SIK2: variants seen among roughly 807,000 people sequenced by gnomAD.
The protein encoded by SIK2 is serine/threonine-protein kinase SIK2.
A neutral mutation model predicts 103.2 loss-of-function variants in SIK2; 29 were observed. The ratio of observed to expected loss-of-function variants is 0.28; its 90% CI spans 0.21 to 0.38. The LOEUF is 0.38. Ranked by LOEUF, SIK2 falls within the 10% of genes least tolerant of loss-of-function variation. The pLI, the probability that SIK2 is intolerant of heterozygous loss-of-function variation, is 1.00. For synonymous variants in SIK2, 412 were observed against 446.1 expected, an observed-to-expected ratio of 0.92 and a Z score of 0.96; for missense variants, 879 against 1,171.0, an observed-to-expected ratio of 0.75 and a Z score of 3.64.
rs1483377455 is a variant in SIK2 at position 111,688,919 on chromosome 11, G to A, written c.478+757G>A. 6.6e-6 allele frequency among the ~76,000 whole-genome samples: 1 copy of A among 152,144 alleles called. No individual in the cohort carries two copies. Among genetic ancestry groups the A allele is most frequent in the Non-Finnish European group, 1.5e-5 (1 of 68,020 alleles). On this transcript the variant is annotated intron_variant, in intron 4 of 14. Transcript: ENST00000304987. This position sits in a 1 kb window ranked among gnomAD's most constrained non-coding sequence, Gnocchi z 4.2. ...ATTTTAATAAAACTGAAAAAATACA[G>A]TATGATAGTTGCAATTTTAAAAGTA...
At chr11:111,610,904 T>C (rs1366661032) in intron 1 of SIK2, among the ~76,000 whole-genome samples, 2 of 152,228 alleles carry the variant, frequency 1.3e-5, no homozygotes, top group African/African-American at 2.4e-5. Flanking sequence ...TCATACCTTA[T>C]GCTGAGACTG....
chr11:111,708,243 A>G (rs1943404189), intron 8 of SIK2, among the ~76,000 whole-genome samples: 1 of 152,082 alleles, frequency 6.6e-6, no homozygotes, highest in African/African-American at 2.4e-5. Context: ...TTAGCCGGTT[A>G]TGGTAGTGCG....
rs1943996102 is a variant in SIK2, at chr11:111,727,104, T to C, written c.*2975T>C. 1.9e-6 allele frequency: 3 copies of C among 1,541,112 alleles called. No homozygotes were observed. On this transcript the variant is annotated 3_prime_UTR_variant, in exon 15 of 15. Coordinates refer to ENST00000304987, the MANE Select transcript of SIK2 (RefSeq NM_015191.3). Reference sequence around the variant, plus strand: ...AGCCCGACAGGAAGAGGGGGCCCACTTTCACATTCCCGGTGACACTGACCG... The same window carrying C: ...AGCCCGACAGGAAGAGGGGGCCCACCTTCACATTCCCGGTGACACTGACCG...
chr11:111,633,477 CAGG>C (rs1304564410), intron 3 of SIK2, among the ~76,000 whole-genome samples: 1 of 152,132 alleles, frequency 6.6e-6, no homozygotes, highest in African/African-American at 2.4e-5. Flanking sequence ...GTGAAGCCAA[CAGG>C]AGAACACTGC....
intron 1 of SIK2, among the ~76,000 whole-genome samples, chr11:111,615,756 T>G (rs1040348544): frequency 6.6e-6 from 1 of 152,164 alleles, no homozygotes; most frequent in African/African-American, 2.4e-5. Context: ...ATGTAATGAG[T>G]TTTAATATTT....
At chr11:111,610,578 C>T (rs1392211047) in intron 1 of SIK2, among the ~76,000 whole-genome samples, 1 of 99,352 alleles carries the variant, frequency 1.0e-5, no homozygotes, top group Admixed American at 1.2e-4. Context: ...TCTGCTCTTA[C>T]ATTTAATTCT....
At chr11:111,700,607 T>G (rs1161006805) in intron 4 of SIK2, among the ~76,000 whole-genome samples, 2 of 152,212 alleles carry the variant, frequency 1.3e-5, no homozygotes, top group Non-Finnish European at 1.5e-5. Context: ...AAGGCTGATT[T>G]TCTTTCACAT....
chr11:111,685,697 A>G (rs1414523769), intron 3 of SIK2, among the ~76,000 whole-genome samples: 1 of 152,120 alleles, frequency 6.6e-6, no homozygotes, highest in African/African-American at 2.4e-5. Flanking sequence ...TAAAATATTA[A>G]TAATTAGCCA....
intron 3 of SIK2, among the ~76,000 whole-genome samples, chr11:111,626,847 C>T (rs1239781515): frequency 6.6e-6 from 1 of 152,076 alleles, no homozygotes; most frequent in African/African-American, 2.4e-5. Flanking sequence ...CTCTTAATTA[C>T]TCTTTATAAG....
intron 3 of SIK2, among the ~76,000 whole-genome samples, chr11:111,643,273 T>A (rs941811763): frequency 6.6e-6 from 1 of 151,978 alleles, no homozygotes; most frequent in Non-Finnish European, 1.5e-5. Flanking sequence ...TATTATATTT[T>A]AGGGAAGGGA....
At chr11:111,660,831 G>A (rs1392700545) in intron 3 of SIK2, among the ~76,000 whole-genome samples, 1 of 138,550 alleles carries the variant, frequency 7.2e-6, no homozygotes, top group African/African-American at 2.6e-5. Context: ...TCCAAGCTGT[G>A]AAGTTGGCTT....
At chr11:111,694,579 A>T (rs1412170103) in intron 4 of SIK2, among the ~76,000 whole-genome samples, 1 of 152,192 alleles carries the variant, frequency 6.6e-6, no homozygotes, top group Non-Finnish European at 1.5e-5. Context: ...AGGCAAAGAT[A>T]GGAAAAATAT....
chr11:111,685,102 G>A (rs922588435), intron 3 of SIK2, among the ~76,000 whole-genome samples: 1 of 152,250 alleles, frequency 6.6e-6, no homozygotes, highest in Non-Finnish European at 1.5e-5. Context: ...ATGTGTTAGA[G>A]CCGCAGTCCC....
At position 111,725,071 on chromosome 11, in the gene SIK2, A is replaced by G. The variant is rs1339796849; in HGVS notation, c.*942A>G. 6.6e-6 allele frequency: 1 copy of G among 152,648 alleles called. No individual in the cohort carries two copies. The highest frequency in any genetic ancestry group is 2.4e-5 in the African/African-American group (1 of 41,458). 9.5% of individuals were successfully genotyped at this position (152,648 alleles called of 1,614,324 possible). ...TTACACTATATGTTGCTAGTAGTTT[A>G]TTGAGCTTTGTATATTTGGACAGTT... On this transcript the variant is annotated 3_prime_UTR_variant, in exon 15 of 15. Coordinates refer to ENST00000304987, the MANE Select transcript of SIK2 (RefSeq NM_015191.3).
At chr11:111,642,088 C>T (rs1565326254) in intron 3 of SIK2, among the ~76,000 whole-genome samples, 1 of 152,174 alleles carries the variant, frequency 6.6e-6, no homozygotes, top group African/African-American at 2.4e-5. Context: ...TTTGCCATCA[C>T]CCTTCTGAAC....
Position 111,701,058 on chromosome 11 carries a change from A to G in SIK2, c.603+48A>G. 6.3e-7 allele frequency: 1 copy of G among 1,584,954 alleles called. No homozygotes were observed. The highest frequency in any genetic ancestry group is 8.6e-7 in the Non-Finnish European group (1 of 1,161,782). ...TGTTAAATGCATCTATACTGATAAT[A>G]CTTGGTGTTCTGGCCCATCTTAGAA... On this transcript the variant is annotated intron_variant, in intron 5 of 14. Transcript: ENST00000304987. The surrounding 1 kb of genome is among the most constrained non-coding windows in gnomAD (Gnocchi z 4.2).
chr11:111,672,925 A>G (rs1470374000), intron 3 of SIK2, among the ~76,000 whole-genome samples: 1 of 152,222 alleles, frequency 6.6e-6, no homozygotes, highest in Non-Finnish European at 1.5e-5. Flanking sequence ...TTTGAGTACT[A>G]TATTTTAAAC....
intron 3 of SIK2, among the ~76,000 whole-genome samples, chr11:111,677,266 A>G (rs1942714605): frequency 6.6e-6 from 1 of 152,228 alleles, no homozygotes; most frequent in African/African-American, 2.4e-5. Context: ...TACTACATAT[A>G]TTGAAATCAG....
chr11:111,721,235 A>G (rs967235919), intron 12 of SIK2, among the ~76,000 whole-genome samples, 173 bp downstream of exon 12: 1 of 152,108 alleles, frequency 6.6e-6, no homozygotes, highest in African/African-American at 2.4e-5. Flanking sequence ...GACGGGTTCA[A>G]CCCATCCACG....
Sources: allele counts gnomAD v4.1 joint callset (sites outside exome capture counted in the v4.1 genomes callset), GRCh38; gene constraint gnomAD v4.1.1; non-coding constraint Gnocchi (gnomAD v3.1); transcripts MANE v1.5; gene names NCBI Gene and HGNC (gene_info 2026-07-23, HGNC 2026-07-21).